The following IFT46 variants were observed in gnomAD, a reference collection of about 807,000 sequenced individuals.
IFT46 encodes intraflagellar transport 46.
In IFT46, 19 loss-of-function variants were observed where a neutral mutation model predicts 39.6. The ratio of observed to expected loss-of-function variants is 0.48; its 90% CI spans 0.33 to 0.70. IFT46 has a LOEUF of 0.70. Ranked by LOEUF, IFT46 falls within the 30% of genes least tolerant of loss-of-function variation. The probability of loss-of-function intolerance (pLI) is 0.01; values close to 1 mark genes in which losing one functional copy is unlikely to be tolerated. For missense variants in IFT46, 334 were observed against 364.8 expected (o/e 0.92, Z 0.69); for synonymous variants, 117 against 134.8 (o/e 0.87, Z 0.91).
Position 118,556,924 on chromosome 11 carries a change from T to C in IFT46, c.167A>G (p.His56Arg). ...DSDSDDDDEE[H>R]GAPLEGAYDP... Reference sequence around the variant, plus strand: ...TCCTCACCCTTCCAGAGGGGCTCCATGCTCTTCATCATCATCATCAGAATC... The same window carrying C: ...TCCTCACCCTTCCAGAGGGGCTCCACGCTCTTCATCATCATCATCAGAATC... The change falls in exon 4 of 12, where the codon CAT becomes CGT. Residue 56 changes from histidine (H) to arginine (R), a missense_variant. Physicochemically the swap from His to Arg is conservative, Grantham distance 29. Transcript: ENST00000264021. 1 of 1,608,650 alleles carries C rather than the reference T, an allele frequency of 6.2e-7. No homozygotes were observed. Among genetic ancestry groups the C allele is most frequent in the Non-Finnish European group, 8.5e-7 (1 of 1,177,108 alleles).
At chr11:118,560,809 TA>T in intron 2 of IFT46, 1 of 740,332 alleles carries the variant, frequency 1.4e-6, no homozygotes, top group Non-Finnish European at 2.5e-6. Flanking sequence ...TGATACAGGA[TA>T]AAAATAAATA....
At chr11:118,546,262 T>C (rs1038031876) in intron 9 of IFT46, 3 of 685,184 alleles carry the variant, frequency 4.4e-6, no homozygotes. Context: ...CTGTGGGAGG[T>C]TGAGGTGGGC....
intron 11 of IFT46, 26 bp from the exon 12 acceptor site, chr11:118,545,037 T>C: frequency 2.1e-6 from 3 of 1,463,054 alleles, no homozygotes; most frequent in Non-Finnish European, 2.9e-6. Context: ...GAGGGAATAT[T>C]GAGTATTAGG....
At chr11:118,556,545 G>A (rs1464467858) in intron 4 of IFT46, among the ~76,000 whole-genome samples, 1 of 152,024 alleles carries the variant, frequency 6.6e-6, no homozygotes, top group African/African-American at 2.4e-5. Context: ...TGCCCAGGTT[G>A]GTCTTGAACG....
At position 118,544,740 on chromosome 11, in the gene IFT46, A is replaced by C. The variant is rs1555066578; in HGVS notation, c.*176T>G. The C allele has an allele frequency of 2.4e-5, 14 of 589,706 alleles. No homozygotes were observed. The highest frequency in any genetic ancestry group is 1.2e-4 in the Admixed American group (4 of 33,078). The allele number at this position is 589,706 out of a possible 1,614,324, so 36.5% of individuals were successfully genotyped here. A position where few individuals can be genotyped will look rare whatever the true frequency, so the allele number is the denominator to read the frequency against. On this transcript the variant is annotated 3_prime_UTR_variant, in exon 12 of 12. Transcript: ENST00000264021. ...CCGGGGACAGCAATCTGAGGCAGGCAGGTTCATTAAACAAACATGTTCTGT... is the reference window on the plus strand; with the variant it reads ...CCGGGGACAGCAATCTGAGGCAGGCCGGTTCATTAAACAAACATGTTCTGT...
intron 9 of IFT46, chr11:118,546,934 TTC>T (rs1453934875): frequency 2.0e-5 from 3 of 148,112 alleles, no homozygotes; most frequent in African/African-American, 7.5e-5. Context: ...CTTAAAACTT[TTC>T]TCTTTTTACA....
intron 11 of IFT46, 72 bp downstream of exon 11, chr11:118,545,337 A>G: frequency 8.9e-7 from 1 of 1,125,578 alleles, no homozygotes; most frequent in Non-Finnish European, 1.3e-6. Flanking sequence ...ATGCAATCAC[A>G]GCAGGCTCAG....
At chr11:118,558,511 C>T (rs1343890041) in intron 3 of IFT46, among the ~76,000 whole-genome samples, 1 of 152,030 alleles carries the variant, frequency 6.6e-6, no homozygotes, top group African/African-American at 2.4e-5. Flanking sequence ...AGGAGAATTG[C>T]TTGAACCCTG....
Position 118,561,304 on chromosome 11 carries a change from T to C in IFT46, c.-35-1440A>G. 3.6e-6 allele frequency: 4 copies of C among 1,115,092 alleles called. No individual in the cohort carries two copies. In the South Asian group the frequency reaches 3.7e-5, roughly 10 times the overall value. The allele number at this position is 1,115,092 out of a possible 1,614,324, so 69.1% of individuals were successfully genotyped here. ...ACATCATGGGCCAGAATGTTGCAGA[T>C]TACATGCACTACTTAACAGAAGAAG... On this transcript the variant is annotated intron_variant, in intron 2 of 11. Coordinates refer to ENST00000264021, the MANE Select transcript of IFT46 (RefSeq NM_001168618.2).
intron 9 of IFT46, chr11:118,546,173 A>G (rs782421064): frequency 2.2e-5 from 16 of 718,410 alleles, no homozygotes; most frequent in Non-Finnish European, 3.9e-5. Flanking sequence ...GGGAAGACAC[A>G]GAAGATGGCC....
chr11:118,549,965 C>A (rs1318341406), intron 9 of IFT46, among the ~76,000 whole-genome samples: 2 of 150,856 alleles, frequency 1.3e-5, no homozygotes, highest in African/African-American at 4.9e-5. Flanking sequence ...GCTCTATTAC[C>A]CAGGCTGGAG....
In IFT46 at chr11:118,557,035, T is replaced by G. The variant is rs548333275; in HGVS notation, c.56A>C (p.Lys19Thr). The G allele has an allele frequency of 4.1e-5, 66 of 1,594,346 alleles. No individual in the cohort carries two copies. The highest frequency in any genetic ancestry group is 1.7e-4 in the Middle Eastern group (1 of 5,952). Residue 19 changes from lysine to threonine, a missense_variant, in exon 4 of 12, where the codon AAG (lysine) becomes ACG (threonine). Lys to Thr is a moderately conservative substitution (Grantham distance 78, BLOSUM62 -1). Transcript: ENST00000264021. ...CEEENNKEKK[K>T]TSQLTPQRGF... is the part of the protein sequence containing the mutation. ...CCGTTGAGGTGTCAACTGTGAGGTC[T>G]TCTTCTTCTCCTGTGATAGGGCAGG...
chr11:118,559,791 A>T lies in IFT46; in HGVS notation c.39T>A (p.Asn13Lys), dbSNP rs782810159. 2 of 1,612,952 alleles carry T rather than the reference A, an allele frequency of 1.2e-6. No homozygotes were observed. The highest frequency in any genetic ancestry group is 2.2e-5 in the South Asian group (2 of 91,034). ...DNSSDECEEE[N>K]NKEKKKTSQL... ...GCTGTGAGTTTTACTGTACCTTGTT[A>T]TTTTCCTCTTCACACTCATCACTGC... is the stretch of plus-strand genomic sequence containing the variant. The change falls in exon 3 of 12, where the codon AAT becomes AAA. Residue 13 changes from asparagine to lysine, a missense_variant. Physicochemically the swap from Asn to Lys is moderately conservative, Grantham distance 94. Coordinates refer to ENST00000264021, the MANE Select transcript of IFT46 (RefSeq NM_001168618.2).
At chr11:118,555,148 A>C in intron 5 of IFT46, 65 bp from the exon 6 acceptor site, 3 of 1,544,466 alleles carry the variant, frequency 1.9e-6, no homozygotes, top group Non-Finnish European at 2.7e-6. Context: ...TTCAGGCTAA[A>C]AAAAAATCTA....
At chr11:118,561,867 A>G (rs1938068150) in intron 2 of IFT46, among the ~76,000 whole-genome samples, 1 of 152,200 alleles carries the variant, frequency 6.6e-6, no homozygotes, top group African/African-American at 2.4e-5. Context: ...TGACAGGCGC[A>G]GTGGCTCACA....
chr11:118,551,480 C>G (rs1031999107), intron 9 of IFT46, among the ~76,000 whole-genome samples: 1 of 151,928 alleles, frequency 6.6e-6, no homozygotes, highest in Non-Finnish European at 1.5e-5. Context: ...TTGAGAACAG[C>G]CTGGGCAACA....
intron 2 of IFT46, among the ~76,000 whole-genome samples, chr11:118,563,560 T>G (rs562645048): frequency 6.6e-6 from 1 of 152,318 alleles, no homozygotes; most frequent in African/African-American, 2.4e-5. Context: ...TATTTGCCTC[T>G]TTTCTTTATT....
chr11:118,560,024 G>A, intron 2 of IFT46, 160 bp from the exon 3 acceptor site: 1 of 607,736 alleles, frequency 1.6e-6, no homozygotes, highest in Non-Finnish European at 2.9e-6. Flanking sequence ...TCATGGCTCT[G>A]CCAGTTCAAT....
intron 7 of IFT46, among the ~76,000 whole-genome samples, 158 bp downstream of exon 7, chr11:118,554,301 C>T (rs1555068991): frequency 6.6e-6 from 1 of 152,094 alleles, no homozygotes; most frequent in Non-Finnish European, 1.5e-5. Context: ...CATGATCCAC[C>T]CGCCTCGGCC....
Sources: allele counts gnomAD v4.1 joint callset (sites outside exome capture counted in the v4.1 genomes callset), GRCh38; gene constraint gnomAD v4.1.1; transcripts MANE v1.5; gene names NCBI Gene and HGNC (gene_info 2026-07-23, HGNC 2026-07-21).